The following IL36RN variants were observed in gnomAD, a reference collection of about 807,000 sequenced individuals.
IL36RN encodes the protein interleukin 36 receptor antagonist.
Under a neutral mutation model 13.0 loss-of-function variants are expected in IL36RN, and 11 were observed. The ratio of observed to expected loss-of-function variants is 0.85; its 90% CI spans 0.53 to 1.40. IL36RN has a LOEUF of 1.40. Among genes scored for constraint, IL36RN ranks in the 40% most tolerant of loss-of-function variants. The probability of loss-of-function intolerance (pLI) is 0.00; values close to 1 mark genes in which losing one functional copy is unlikely to be tolerated. For synonymous variants in IL36RN, 94 were observed against 84.1 expected, an observed-to-expected ratio of 1.12 and a Z score of -0.64; for missense variants, 195 against 195.3, an observed-to-expected ratio of 1.00 and a Z score of 0.01.
At chr2:113,062,278 G>T (rs1685658070) in intron 4 of IL36RN, 27 bp downstream of exon 4, 4 of 1,613,434 alleles carry the variant, frequency 2.5e-6, no homozygotes, top group Non-Finnish European at 3.4e-6. Context: ...CCTCACTGGG[G>T]ACTCAGCCAC....
chr2:113,062,914 G>A lies in IL36RN; in HGVS notation c.*237G>A, dbSNP rs1381672556. The A allele has an allele frequency of 1.8e-6, 1 of 560,494 alleles. No homozygotes were observed. Among genetic ancestry groups the A allele is most frequent in the African/African-American group, 1.9e-5 (1 of 53,204 alleles). 34.7% of individuals were successfully genotyped at this position (560,494 alleles called of 1,614,324 possible). ...TGCTGTGGAATCTTGTAAAAACCAT[G>A]TGGGGTAAACTGGGAATAACATGAA... On this transcript the variant is annotated 3_prime_UTR_variant, in exon 5 of 5. Transcript: ENST00000393200.
chr2:113,059,528 C>CCGTT (rs1413293890), intron 2 of IL36RN, 61 bp downstream of exon 2: 1 of 1,584,752 alleles, frequency 6.3e-7, no homozygotes, highest in African/African-American at 1.3e-5. Context: ...CTGGATAGAC[C>CCGTT]CGTTGTCCAG....
chr2:113,060,098 A>C (rs1685610525), intron 2 of IL36RN, among the ~76,000 whole-genome samples: 1 of 150,886 alleles, frequency 6.6e-6, no homozygotes, highest in Non-Finnish European at 1.5e-5. Flanking sequence ...TGCTTTCTAC[A>C]TCCTCTCATA....
chr2:113,059,473 T>C lies in IL36RN; in HGVS notation c.29+6T>C, dbSNP rs1685595982. ...AGTGGGGCGCTGTGCTTCCGGTGAG[T>C]GTATGAGGCCCTGGTTTGGTGGTGT... On this transcript the variant is annotated splice_donor_region_variant and intron_variant, in intron 2 of 4. Transcript: ENST00000393200. 6.2e-7 allele frequency: 1 copy of C among 1,613,492 alleles called. No homozygotes were observed. The highest frequency in any genetic ancestry group is 8.5e-7 in the Non-Finnish European group (1 of 1,179,942).
Position 113,062,455 on chromosome 2 carries a change from A to G in IL36RN, c.246A>G (p.Pro82=), listed in dbSNP as rs1042989548. The change falls in exon 5 of 5, where the codon CCA becomes CCG. Residue 82 remains proline, a splice_region_variant and synonymous_variant. Coordinates refer to ENST00000393200, the MANE Select transcript of IL36RN (RefSeq NM_012275.3). ...VGQEPTLTLE[P]VNIMELYLGA... is the part of the protein sequence containing the mutation. ...GACCTCCCCTCCTCTGCCGGCAGCC[A>G]GTGAACATCATGGAGCTCTATCTTG... 1 of 1,613,988 alleles carries G rather than the reference A, an allele frequency of 6.2e-7. No individual in the cohort carries two copies. The highest frequency in any genetic ancestry group is 1.7e-5 in the Admixed American group (1 of 60,024).
At position 113,062,454 on chromosome 2, in the gene IL36RN, C is replaced by T. The variant is rs144182857; in HGVS notation, c.245C>T (p.Pro82Leu). The T allele has an allele frequency of 4.3e-4, 697 of 1,614,098 alleles. 10 individuals are homozygous for T. In the East Asian group the frequency reaches 0.015, roughly 35 times the overall value. Residue 82 changes from proline (P) to leucine (L), a missense_variant and splice_region_variant, in exon 5 of 5, where the codon CCA (proline) becomes CTA (leucine). Transcript: ENST00000393200. ...TGACCTCCCCTCCTCTGCCGGCAGCCAGTGAACATCATGGAGCTCTATCTT... is the reference window on the plus strand; with the variant it reads ...TGACCTCCCCTCCTCTGCCGGCAGCTAGTGAACATCATGGAGCTCTATCTT... The part of the protein sequence containing the change: ...VGQEPTLTLE[P>L]VNIMELYLGA...
chr2:113,062,215 A>C lies in IL36RN; in HGVS notation c.207A>C (p.Ser69=). The stretch of plus-strand genomic sequence containing the variant: ...TCCAGGGTGGAAGCCAGTGCCTGTC[A>C]TGTGGGGTGGGGCAGGAGCCGACTC... ...LGVQGGSQCL[S]CGVGQEPTLT... is the part of the protein sequence containing the mutation. The change falls in exon 4 of 5, where the codon TCA becomes TCC. Residue 69 remains serine (S), a synonymous_variant. Transcript: ENST00000393200. 2 of 1,613,850 alleles carry C rather than the reference A, an allele frequency of 1.2e-6. No homozygotes were observed. Among genetic ancestry groups the C allele is most frequent in the African/African-American group, 2.7e-5 (2 of 75,020 alleles).
Position 113,063,778 on chromosome 2 carries a change from A to T in IL36RN, c.*1101A>T, listed in dbSNP as rs1685691628. On this transcript the variant is annotated 3_prime_UTR_variant, in exon 5 of 5. Transcript: ENST00000393200. ...GCTGTGCTGAGTTTGTGTGGCTGGA[A>T]TCTCTGGGTAAGGAACTTAAAGAAC... The T allele has an allele frequency of 6.6e-6, 1 of 152,204 alleles. No homozygotes were observed. The highest frequency in any genetic ancestry group is 1.5e-5 in the Non-Finnish European group (1 of 68,038). 9.4% of individuals were successfully genotyped at this position (152,204 alleles called of 1,614,324 possible).
chr2:113,062,429 T>A (rs1229636219), intron 4 of IL36RN, 24 bp from the exon 5 acceptor site: 1 of 1,613,428 alleles, frequency 6.2e-7, no homozygotes, highest in Non-Finnish European at 8.5e-7. Context: ...TGCCCTCACC[T>A]GACCTCCCCT....
chr2:113,061,874 G>T (rs2515399), intron 3 of IL36RN, among the ~76,000 whole-genome samples: 104,740 of 151,790 alleles, frequency 0.69, 36,967 homozygotes, highest in East Asian at 0.93. Flanking sequence ...CTATTTTGGG[G>T]TGTAGAGGCT....
chr2:113,062,950 T>G lies in IL36RN; in HGVS notation c.*273T>G. On this transcript the variant is annotated 3_prime_UTR_variant, in exon 5 of 5. Transcript: ENST00000393200. ...TGGGAATAACATGAAAAGATTTCTGTGGAGGTGGGGTGGGGGAGTGGTGGG... is the reference window on the plus strand; with the variant it reads ...TGGGAATAACATGAAAAGATTTCTGGGGAGGTGGGGTGGGGGAGTGGTGGG... 21 of 467,642 alleles carry G rather than the reference T, an allele frequency of 4.5e-5. No individual in the cohort carries two copies. Among genetic ancestry groups the G allele is most frequent in the Middle Eastern group, 6.2e-4 (1 of 1,604 alleles). The allele number at this position is 467,642 out of a possible 1,614,324, so 29.0% of individuals were successfully genotyped here.
upstream of IL36RN, chr2:113,058,766 G>C (rs1021744739): frequency 2.0e-5 from 3 of 153,362 alleles, no homozygotes; most frequent in African/African-American, 7.3e-5. Context: ...GGGAATAGGG[G>C]AGGAAGGGAG....
rs750330829 is a variant in IL36RN, at chr2:113,064,025, A to G, written c.*1348A>G. On this transcript the variant is annotated 3_prime_UTR_variant, in exon 5 of 5. Coordinates refer to ENST00000393200, the MANE Select transcript of IL36RN (RefSeq NM_012275.3). The stretch of plus-strand genomic sequence containing the variant: ...CTGGATGAAGGTAGACCTAAATTCA[A>G]TATGACTGGTTTCCTTGTATGAAAA... The G allele has an allele frequency of 6.6e-6, 1 of 152,236 alleles. No homozygotes were observed. Among genetic ancestry groups the G allele is most frequent in the Non-Finnish European group, 1.5e-5 (1 of 68,030 alleles). 9.4% of individuals were successfully genotyped at this position (152,236 alleles called of 1,614,324 possible). A position where few individuals can be genotyped will look rare whatever the true frequency, so the allele number is the denominator to read the frequency against.
At chr2:113,059,630 T>C (rs1685600400) in intron 2 of IL36RN, among the ~76,000 whole-genome samples, 163 bp downstream of exon 2, 1 of 152,060 alleles carries the variant, frequency 6.6e-6, no homozygotes, top group African/African-American at 2.4e-5. Flanking sequence ...CCCAGCCTTT[T>C]TCAAATAGGG....
intron 3 of IL36RN, 41 bp downstream of exon 3, chr2:113,060,978 C>T: frequency 6.8e-7 from 1 of 1,463,040 alleles, no homozygotes; most frequent in Non-Finnish European, 9.6e-7. Flanking sequence ...GGTCTCTATA[C>T]ACTCTCAGGG....
Position 113,062,925 on chromosome 2 carries a change from T to G in IL36RN, c.*248T>G. The G allele has an allele frequency of 3.8e-6, 2 of 532,650 alleles. No homozygotes were observed. Among genetic ancestry groups the G allele is most frequent in the Non-Finnish European group, 6.8e-6 (2 of 294,768 alleles). 33.0% of individuals were successfully genotyped at this position (532,650 alleles called of 1,614,324 possible). ...CTTGTAAAAACCATGTGGGGTAAAC[T>G]GGGAATAACATGAAAAGATTTCTGT... On this transcript the variant is annotated 3_prime_UTR_variant, in exon 5 of 5. Transcript: ENST00000393200.
chr2:113,059,561 G>A (rs1240409470), intron 2 of IL36RN, 94 bp downstream of exon 2: 4 of 1,423,478 alleles, frequency 2.8e-6, no homozygotes, highest in Non-Finnish European at 4.0e-6. Context: ...GGGAGGAAGG[G>A]AGGGGCTGCC....
rs1172002464 is a variant in IL36RN, at chr2:113,064,290, C to T, written c.*1613C>T. The T allele has an allele frequency of 1.3e-5, 2 of 152,172 alleles. No individual in the cohort carries two copies. The highest frequency in any genetic ancestry group is 2.9e-5 in the Non-Finnish European group (2 of 68,028). 9.4% of individuals were successfully genotyped at this position (152,172 alleles called of 1,614,324 possible). A position where few individuals can be genotyped will look rare whatever the true frequency, so the allele number is the denominator to read the frequency against. On this transcript the variant is annotated 3_prime_UTR_variant, in exon 5 of 5. Transcript: ENST00000393200. Reference sequence around the variant, plus strand: ...AAGAATAAATTTCGGCTGTTTTAAGCCACCAAGGATAATTGGTTACAGCAG... The same window carrying T: ...AAGAATAAATTTCGGCTGTTTTAAGTCACCAAGGATAATTGGTTACAGCAG...
upstream of IL36RN, chr2:113,059,157 C>T (rs958072978): frequency 9.5e-6 from 5 of 526,416 alleles, no homozygotes; most frequent in African/African-American, 9.6e-5. Context: ...AGGGCCCCTC[C>T]CTAGGCCTTA....
Sources: gnomAD v4.1 joint callset for allele counts (sites outside exome capture counted in the v4.1 genomes callset) on GRCh38, gnomAD v4.1.1 for gene constraint, MANE v1.5 for transcripts, NCBI Gene and HGNC (gene_info 2026-07-23, HGNC 2026-07-21) for gene names.